The following FRMPD4 variants were observed in gnomAD, a reference collection of about 807,000 sequenced individuals.
The protein encoded by FRMPD4 is FERM and PDZ domain-containing protein 4.
FRMPD4 carries 22 observed loss-of-function variants against 94.1 expected under a neutral mutation model. The observed-to-expected ratio is 0.23, with a 90% CI of 0.17 to 0.33. The LOEUF is 0.33. FRMPD4 is among the 10% of genes least tolerant of loss of function. The pLI is 1.00. For missense variants in FRMPD4, 1,111 were observed against 1,339.9 expected, an observed-to-expected ratio of 0.83 and a Z score of 2.67; for synonymous variants, 631 against 548.6, an observed-to-expected ratio of 1.15 and a Z score of -2.10.
At chrX:12,516,899 CTTTT>C (rs35098575) in intron 2 of FRMPD4, among the ~76,000 whole-genome samples, 1,555 of 68,398 alleles carry the variant, frequency 0.023, 45 homozygotes, top group African/African-American at 0.076. Context: ...CCTTTTCGTT[CTTTT>C]TTTTTTTTTT....
intron 1 of FRMPD4, among the ~76,000 whole-genome samples, chrX:12,497,733 A>T (rs1263071385): frequency 9.0e-6 from 1 of 111,604 alleles, no homozygotes; most frequent in East Asian, 2.8e-4. Flanking sequence ...AAATTATGCA[A>T]AATAGTTCAT....
intron 3 of FRMPD4, among the ~76,000 whole-genome samples, chrX:11,947,167 A>G (rs559367234): frequency 8.9e-6 from 1 of 112,071 alleles, no homozygotes; most frequent in South Asian, 3.8e-4. Context: ...AGCCTAATGT[A>G]GTCTAGCCTG....
intron 14 of FRMPD4, among the ~76,000 whole-genome samples, chrX:12,714,902 A>G (rs1412667002): frequency 8.9e-6 from 1 of 112,522 alleles, no homozygotes; most frequent in South Asian, 3.7e-4. Flanking sequence ...TATATCTCTT[A>G]TTGTTCATGA....
At chrX:12,226,615 A>G (rs1225087886) in intron 1 of FRMPD4, among the ~76,000 whole-genome samples, 1 of 111,410 alleles carries the variant, frequency 9.0e-6, no homozygotes, top group African/African-American at 3.3e-5. Context: ...GACAAAGGAC[A>G]GTTTATTATC....
At chrX:12,242,868 C>G (rs1013791989) in intron 1 of FRMPD4, among the ~76,000 whole-genome samples, 7 of 112,143 alleles carry the variant, frequency 6.2e-5, no homozygotes, top group African/African-American at 2.3e-4. Context: ...TCCTGAATAG[C>G]TAGGAATACA....
chrX:12,185,241 T>C (rs1013275346), intron 1 of FRMPD4, among the ~76,000 whole-genome samples: 2 of 111,610 alleles, frequency 1.8e-5, no homozygotes, highest in Admixed American at 1.9e-4. Context: ...AAAACACAAC[T>C]CCTCAGCTCC....
chrX:12,296,383 C>T (rs2054772460), intron 1 of FRMPD4, among the ~76,000 whole-genome samples: 1 of 111,988 alleles, frequency 8.9e-6, no homozygotes. Flanking sequence ...TCTTCTCTTA[C>T]AGCTGTGGGA....
chrX:11,872,519 C>T (rs1385904440), intron 2 of FRMPD4, among the ~76,000 whole-genome samples: 1 of 111,680 alleles, frequency 9.0e-6, no homozygotes, highest in African/African-American at 3.3e-5. Context: ...CTCAGCAAAC[C>T]ATGTGATATT....
intron 1 of FRMPD4, among the ~76,000 whole-genome samples, chrX:12,335,092 G>A (rs755852699): frequency 9.0e-6 from 1 of 110,545 alleles, no homozygotes; most frequent in Non-Finnish European, 1.9e-5. Context: ...ATTTCATTCA[G>A]AGCTCTGTAT....
chrX:12,340,609 TAGTA>T (rs1424993540), intron 1 of FRMPD4, among the ~76,000 whole-genome samples: 1 of 111,773 alleles, frequency 8.9e-6, no homozygotes, highest in African/African-American at 3.3e-5. Flanking sequence ...TCCCCTACCT[TAGTA>T]AGGCAAGGTC....
At chrX:11,986,895 G>T (rs1183382101) in intron 3 of FRMPD4, among the ~76,000 whole-genome samples, 1 of 108,636 alleles carries the variant, frequency 9.2e-6, no homozygotes. Flanking sequence ...CAAGTGATGT[G>T]ATCAAAGCCA....
upstream of FRMPD4, chrX:12,138,340 C>G (rs1197359648): frequency 1.8e-5 from 2 of 113,578 alleles, no homozygotes; most frequent in Non-Finnish European, 3.7e-5. Context: ...TCCAGTGTGC[C>G]ATAGACTGTT....
At chrX:11,873,464 C>G (rs1301006339) in intron 2 of FRMPD4, among the ~76,000 whole-genome samples, 1 of 110,686 alleles carries the variant, frequency 9.0e-6, no homozygotes, top group African/African-American at 3.3e-5. Context: ...ACAATAACAT[C>G]AAGATATGAA....
intron 1 of FRMPD4, among the ~76,000 whole-genome samples, chrX:12,461,958 G>A (rs2057395298): frequency 8.9e-6 from 1 of 112,005 alleles, no homozygotes; most frequent in Non-Finnish European, 1.9e-5. Context: ...TCCAGCAACA[G>A]AGGTTTGTTT....
At chrX:12,302,210 T>C (rs2054871986) in intron 1 of FRMPD4, among the ~76,000 whole-genome samples, 1 of 111,866 alleles carries the variant, frequency 8.9e-6, no homozygotes, top group Non-Finnish European at 1.9e-5. Flanking sequence ...CTGGTTTCCT[T>C]ACATGTATCC....
At chrX:12,297,153 A>C (rs1168917562) in intron 1 of FRMPD4, among the ~76,000 whole-genome samples, 1 of 112,750 alleles carries the variant, frequency 8.9e-6, no homozygotes, top group African/African-American at 3.2e-5. Flanking sequence ...GGATAGCGCT[A>C]CACAAATGCT....
chrX:12,513,883 C>A (rs1408733736), intron 2 of FRMPD4, among the ~76,000 whole-genome samples: 2 of 111,737 alleles, frequency 1.8e-5, no homozygotes, highest in Admixed American at 1.9e-4. Flanking sequence ...TGTGTCCTCT[C>A]TGATTTCTTT....
chrX:12,218,093 T>C (rs1173248525), intron 1 of FRMPD4, among the ~76,000 whole-genome samples: 1 of 111,792 alleles, frequency 8.9e-6, no homozygotes, highest in Non-Finnish European at 1.9e-5. Context: ...ATTTTGGTCA[T>C]TAGTGTTCAT....
At chrX:12,334,062 T>C (rs1430434620) in intron 1 of FRMPD4, among the ~76,000 whole-genome samples, 1 of 111,853 alleles carries the variant, frequency 8.9e-6, no homozygotes, top group African/African-American at 3.2e-5. Context: ...TGTGCAGTCA[T>C]ATACTTTTAT....
Sources: allele counts gnomAD v4.1 joint callset (sites outside exome capture counted in the v4.1 genomes callset), GRCh38; gene constraint gnomAD v4.1.1; transcripts MANE v1.5; gene names NCBI Gene and HGNC (gene_info 2026-07-23, HGNC 2026-07-21).